KCTD1: variants seen among roughly 807,000 people sequenced by gnomAD.
KCTD1 encodes the protein BTB/POZ domain-containing protein KCTD1.
KCTD1 carries 24 observed loss-of-function variants against 66.0 expected under a neutral mutation model. The ratio of observed to expected loss-of-function variants is 0.36; its 90% confidence interval spans 0.26 to 0.51. The LOEUF (loss-of-function observed/expected upper bound fraction) is 0.51. KCTD1 is among the 20% of genes least tolerant of loss of function. KCTD1 has a pLI of 0.95. For synonymous variants in KCTD1, 511 were observed against 517.2 expected (o/e 0.99, Z 0.16); for missense variants, 943 against 1,205.2 (o/e 0.78, Z 3.22).
intron 1 of KCTD1, chr18:26,581,020 C>G (rs557877526): frequency 1.3e-5 from 2 of 152,144 alleles, no homozygotes; most frequent in Admixed American, 6.5e-5. Context: ...TCTGTTGACC[C>G]TGGCTAATAG....
chr18:26,477,783 G>A (rs1981424787), intron 2 of KCTD1, among the ~76,000 whole-genome samples: 1 of 152,168 alleles, frequency 6.6e-6, no homozygotes, highest in African/African-American at 2.4e-5. Flanking sequence ...TAATTTTAAA[G>A]TTCATGTTTT....
At chr18:26,470,425 GA>G (rs1267846953) in intron 3 of KCTD1, among the ~76,000 whole-genome samples, 5 of 152,230 alleles carry the variant, frequency 3.3e-5, no homozygotes, top group African/African-American at 1.2e-4. Flanking sequence ...TGCCTTGACT[GA>G]GGATGTGACG....
intron 1 of KCTD1, among the ~76,000 whole-genome samples, chr18:26,594,769 T>C (rs1171287899): frequency 2.6e-5 from 4 of 152,166 alleles, no homozygotes; most frequent in Non-Finnish European, 5.9e-5. Context: ...CCCCATCATG[T>C]GAGTGGGCCT....
At chr18:26,614,384 A>G (rs1332790055) in intron 1 of KCTD1, among the ~76,000 whole-genome samples, 2 of 152,238 alleles carry the variant, frequency 1.3e-5, no homozygotes, top group South Asian at 2.1e-4. Context: ...ATCCATGACT[A>G]TGCTCCAAAG....
At chr18:26,647,214 A>G (rs1023845099) in intron 1 of KCTD1, among the ~76,000 whole-genome samples, 23 of 152,218 alleles carry the variant, frequency 1.5e-4, no homozygotes, top group South Asian at 1.2e-3. Flanking sequence ...AGCCACTAAA[A>G]AAGACTGAAT....
At chr18:26,494,090 C>A (rs907996502) in intron 2 of KCTD1, among the ~76,000 whole-genome samples, 1 of 152,190 alleles carries the variant, frequency 6.6e-6, no homozygotes, top group Non-Finnish European at 1.5e-5. Flanking sequence ...AAAGAACGGG[C>A]CACGCTCAGT....
Position 26,476,310 on chromosome 18 carries a change from C to T in KCTD1, c.2133+205G>A, listed in dbSNP as rs1420623658. Among the ~76,000 whole-genome samples the T allele has an allele frequency of 1.3e-5, 2 of 152,134 alleles. No individual in the cohort carries two copies. The highest frequency in any genetic ancestry group is 2.4e-5 in the African/African-American group (1 of 41,400). On this transcript the variant is annotated intron_variant, in intron 3 of 4. Transcript: ENST00000580059. The surrounding 1 kb of genome is among the most constrained non-coding windows in gnomAD (Gnocchi z 4.9). ...TGTTCAAGTGAATTATAATTCAATT[C>T]TTTAAATGAAAAGCGATCCTCTTTA...
intron 1 of KCTD1, among the ~76,000 whole-genome samples, chr18:26,536,865 A>G (rs1259102687): frequency 6.6e-6 from 1 of 152,044 alleles, no homozygotes; most frequent in African/African-American, 2.4e-5. Context: ...AAAACCCTTC[A>G]AGGGAGGAGT....
chr18:26,504,330 A>G (rs1982921209), intron 1 of KCTD1, among the ~76,000 whole-genome samples: 1 of 152,102 alleles, frequency 6.6e-6, no homozygotes. Context: ...CCCAGGCTCA[A>G]GCGATTCTCC....
intron 1 of KCTD1, among the ~76,000 whole-genome samples, chr18:26,520,118 T>C (rs916352601): frequency 2.8e-4 from 43 of 152,218 alleles, no homozygotes; most frequent in African/African-American, 1.0e-3. Flanking sequence ...TATTAGCATT[T>C]TGATAATGAA....
intron 3 of KCTD1, among the ~76,000 whole-genome samples, chr18:26,466,023 GGGGCC>G: frequency 6.1e-5 from 9 of 147,028 alleles, no homozygotes; most frequent in Admixed American, 2.0e-4. Flanking sequence ...CTGGCGAGTG[GGGGCC>G]TATCCAGGTC....
intron 1 of KCTD1, among the ~76,000 whole-genome samples, chr18:26,529,475 T>C (rs1406919786): frequency 1.3e-5 from 2 of 152,228 alleles, no homozygotes; most frequent in Non-Finnish European, 2.9e-5. Flanking sequence ...CCTTTGCTCA[T>C]GTACATTTCT....
chr18:26,648,214 G>A (rs578013992), intron 1 of KCTD1, among the ~76,000 whole-genome samples: 10 of 152,274 alleles, frequency 6.6e-5, no homozygotes, highest in African/African-American at 1.9e-4. Context: ...AGAAAGCAGC[G>A]CTATAAATGG....
intron 1 of KCTD1, among the ~76,000 whole-genome samples, chr18:26,521,869 C>T (rs1007738643): frequency 1.3e-5 from 2 of 151,988 alleles, no homozygotes; most frequent in Non-Finnish European, 2.9e-5. Flanking sequence ...TCTAACCTGA[C>T]GAAAACGGTC....
chr18:26,605,124 G>A lies in KCTD1; in HGVS notation c.-16+24023C>T, dbSNP rs79467238. ...ATGCCTCAGCCGTCTTTTAGTAAAG[G>A]TTCAGGAAATCACCACATGACACAT... On this transcript the variant is annotated intron_variant, in intron 1 of 4. Coordinates refer to the KCTD1 transcript ENST00000317932. 9.9e-3 allele frequency among the ~76,000 whole-genome samples: 1,507 copies of A among 152,254 alleles called. 26 individuals are homozygous for A. The highest frequency in any genetic ancestry group is 0.034 in the African/African-American group (1,411 of 41,542).
chr18:26,618,006 C>A (rs1226016597), intron 1 of KCTD1, among the ~76,000 whole-genome samples: 6 of 150,238 alleles, frequency 4.0e-5, no homozygotes, highest in East Asian at 2.0e-4. Flanking sequence ...ATAATTAGTT[C>A]TTTGTTGACT....
Position 26,543,262 on chromosome 18 carries a change from C to T in KCTD1, c.1809+3466G>A, listed in dbSNP as rs73944620. ...ATATTGAAAATCAGAAAAATACCCA[C>T]TCTTTAAAAGGCAGTTAATCTTAAT... is the stretch of plus-strand genomic sequence containing the variant. On this transcript the variant is annotated intron_variant, in intron 1 of 4. Transcript: ENST00000580059. 1.5e-3 allele frequency: 235 copies of T among 152,314 alleles called. 1 individual carries two copies. Among genetic ancestry groups the T allele is most frequent in the African/African-American group, 5.4e-3 (225 of 41,562 alleles). The allele number at this position is 152,314 out of a possible 1,614,324, so 9.4% of individuals were successfully genotyped here.
At chr18:26,588,086 T>C (rs2098051331) in intron 1 of KCTD1, among the ~76,000 whole-genome samples, 1 of 152,198 alleles carries the variant, frequency 6.6e-6, no homozygotes, top group South Asian at 2.1e-4. Context: ...AAACCTTTCA[T>C]AAAAGGAAGA....
intron 1 of KCTD1, among the ~76,000 whole-genome samples, chr18:26,576,731 T>C (rs1021817232): frequency 2.6e-5 from 4 of 152,246 alleles, no homozygotes; most frequent in African/African-American, 9.6e-5. Flanking sequence ...TTAGGATTTG[T>C]TCTGTCTTGA....
Sources: allele counts gnomAD v4.1 joint callset (sites outside exome capture counted in the v4.1 genomes callset), GRCh38; gene constraint gnomAD v4.1.1; non-coding constraint Gnocchi (gnomAD v3.1); transcripts MANE v1.5; gene names NCBI Gene and HGNC (gene_info 2026-07-23, HGNC 2026-07-21).